FYN: variants seen among roughly 807,000 people sequenced by gnomAD.
The protein encoded by FYN is tyrosine-protein kinase Fyn.
Under a neutral mutation model 70.2 loss-of-function variants are expected in FYN, and 10 were observed. That is an observed-to-expected ratio of 0.14 (90% CI 0.09 to 0.24). FYN has a LOEUF of 0.24. FYN is among the 10% of genes least tolerant of loss of function. The probability of loss-of-function intolerance (pLI) is 1.00; values close to 1 mark genes in which losing one functional copy is unlikely to be tolerated. For synonymous variants in FYN, 236 were observed against 248.6 expected, an observed-to-expected ratio of 0.95 and a Z score of 0.48; for missense variants, 319 against 673.1, an observed-to-expected ratio of 0.47 and a Z score of 5.82.
chr6:111,730,463 T>C (rs2128470397), intron 3 of FYN, among the ~76,000 whole-genome samples: 1 of 152,302 alleles, frequency 6.6e-6, no homozygotes, highest in Non-Finnish European at 1.5e-5. Flanking sequence ...CTGAGGTGTC[T>C]GTAGGAGCTC....
At chr6:111,770,865 C>T (rs1803422715) in intron 3 of FYN, among the ~76,000 whole-genome samples, 1 of 152,096 alleles carries the variant, frequency 6.6e-6, no homozygotes, top group African/African-American at 2.4e-5. Context: ...GAATGGCATC[C>T]AGCTGCCCAT....
At chr6:111,667,216 T>C (rs1798050970) in intron 13 of FYN, among the ~76,000 whole-genome samples, 1 of 152,120 alleles carries the variant, frequency 6.6e-6, no homozygotes. Flanking sequence ...TCAGTAGTCT[T>C]CCCTTTTTCC....
At chr6:111,826,454 A>T (rs899084818) in intron 2 of FYN, among the ~76,000 whole-genome samples, 1 of 152,196 alleles carries the variant, frequency 6.6e-6, no homozygotes, top group African/African-American at 2.4e-5. Flanking sequence ...AGCCTTCAAA[A>T]GGGTAATCTG....
At chr6:111,734,956 G>A (rs1366482919) in intron 3 of FYN, among the ~76,000 whole-genome samples, 1 of 152,206 alleles carries the variant, frequency 6.6e-6, no homozygotes, top group Non-Finnish European at 1.5e-5. Context: ...GAGGGAGACA[G>A]ACAAGTAAAT....
chr6:111,708,202 G>A (rs947023711), intron 5 of FYN, 182 bp from the exon 6 acceptor site: 32 of 540,090 alleles, frequency 5.9e-5, no homozygotes, highest in African/African-American at 5.9e-4. Flanking sequence ...TCCAGTTCGA[G>A]TCAGCCATGA....
chr6:111,767,932 G>A (rs17809326), intron 3 of FYN, among the ~76,000 whole-genome samples: 6,530 of 152,140 alleles, frequency 0.043, 198 homozygotes, highest in Non-Finnish European at 0.065. Context: ...TTTTTTTGAC[G>A]TTAGAATCAA....
chr6:111,722,459 T>A (rs1382321406), intron 3 of FYN, among the ~76,000 whole-genome samples: 3 of 152,230 alleles, frequency 2.0e-5, no homozygotes, highest in Admixed American at 2.0e-4. Context: ...TCATATAATA[T>A]TAACTCTTTC....
intron 3 of FYN, among the ~76,000 whole-genome samples, chr6:111,747,463 G>A (rs1251807784): frequency 1.3e-5 from 2 of 152,206 alleles, no homozygotes; most frequent in East Asian, 1.9e-4. Flanking sequence ...CATCTAAAAA[G>A]TGTATTCTGT....
At chr6:111,841,229 G>GC (rs1194713241) in intron 2 of FYN, among the ~76,000 whole-genome samples, 13 of 152,168 alleles carry the variant, frequency 8.5e-5, no homozygotes, top group African/African-American at 2.9e-4. Flanking sequence ...ACCTTGCAGG[G>GC]CCAGGTCAGG....
intron 3 of FYN, among the ~76,000 whole-genome samples, chr6:111,743,338 T>C (rs1301149145): frequency 6.6e-6 from 1 of 152,214 alleles, no homozygotes; most frequent in Non-Finnish European, 1.5e-5. Flanking sequence ...TTCCTCTATC[T>C]GTATCCCTGT....
intron 2 of FYN, among the ~76,000 whole-genome samples, chr6:111,794,892 T>C (rs1771753011): frequency 6.6e-6 from 1 of 152,214 alleles, no homozygotes; most frequent in African/African-American, 2.4e-5. Flanking sequence ...ACTCTGATTC[T>C]TACTGTTTTG....
Position 111,692,259 on chromosome 6 carries a change from C to T in FYN, c.1273+2116G>A, listed in dbSNP as rs149088866. Reference sequence around the variant, plus strand: ...TCGATTTGGAAATTAAGTAAGGAAACGCAGTACAAAGGCTAAAAGAACAAG... The same window carrying T: ...TCGATTTGGAAATTAAGTAAGGAAATGCAGTACAAAGGCTAAAAGAACAAG... On this transcript the variant is annotated intron_variant, in intron 12 of 13. Transcript: ENST00000354650. 2.0e-5 allele frequency among the ~76,000 whole-genome samples: 3 copies of T among 152,272 alleles called. 1 individual carries two copies. Among genetic ancestry groups the T allele is most frequent in the African/African-American group, 7.2e-5 (3 of 41,558 alleles).
intron 6 of FYN, among the ~76,000 whole-genome samples, chr6:111,704,719 A>T (rs996380986): frequency 1.3e-5 from 2 of 151,498 alleles, no homozygotes; most frequent in Non-Finnish European, 2.9e-5. Flanking sequence ...GTGCCATAGT[A>T]TTCCAGCCTG....
intron 2 of FYN, among the ~76,000 whole-genome samples, chr6:111,798,062 C>A (rs1275883285): frequency 6.6e-6 from 1 of 152,064 alleles, no homozygotes; most frequent in East Asian, 1.9e-4. Context: ...CCGTGCCCGA[C>A]CCTAGTTTAA....
At chr6:111,814,449 A>C (rs1454997914) in intron 2 of FYN, among the ~76,000 whole-genome samples, 1 of 152,206 alleles carries the variant, frequency 6.6e-6, no homozygotes, top group Non-Finnish European at 1.5e-5. Flanking sequence ...AATTTCCTAG[A>C]AGAATAAAGA....
intron 12 of FYN, among the ~76,000 whole-genome samples, chr6:111,692,604 A>G (rs931601393): frequency 1.3e-5 from 2 of 152,214 alleles, no homozygotes; most frequent in Non-Finnish European, 2.9e-5. Context: ...ATGGTTCATG[A>G]GCGTTAACCA....
chr6:111,746,519 A>T lies in FYN; in HGVS notation c.-11-26457T>A, dbSNP rs763796914. Among the ~76,000 whole-genome samples, 6 of 152,254 alleles carry T rather than the reference A, an allele frequency of 3.9e-5. No homozygotes were observed. The East Asian group carries it at 1.2e-3, about 29-fold the overall frequency. On this transcript the variant is annotated intron_variant, in intron 3 of 13. Coordinates refer to ENST00000354650, the MANE Select transcript of FYN (RefSeq NM_002037.5). ...GTAGTTTATTGCTGCTGAGTGGCAT[A>T]GTAGTTTTTATTGCTTTATCCATTA...
intron 2 of FYN, among the ~76,000 whole-genome samples, chr6:111,827,930 G>T (rs952180133): frequency 2.0e-5 from 3 of 152,140 alleles, no homozygotes; most frequent in Non-Finnish European, 4.4e-5. Context: ...AGGCAGGCTT[G>T]CCCTCCTTAC....
intron 2 of FYN, among the ~76,000 whole-genome samples, chr6:111,805,926 C>T (rs1562528115): frequency 6.6e-6 from 1 of 152,210 alleles, no homozygotes; most frequent in Non-Finnish European, 1.5e-5. Flanking sequence ...ACAGTAGTTC[C>T]TCCAGCGTGT....
Sources: gnomAD v4.1 joint callset for allele counts (sites outside exome capture counted in the v4.1 genomes callset) on GRCh38, gnomAD v4.1.1 for gene constraint, MANE v1.5 for transcripts, NCBI Gene and HGNC (gene_info 2026-07-23, HGNC 2026-07-21) for gene names.